The following NMU variants were observed in gnomAD, a reference collection of about 807,000 sequenced individuals.
NMU encodes neuromedin U.
A neutral mutation model predicts 35.4 loss-of-function variants in NMU; 29 were observed. The ratio of observed to expected loss-of-function variants is 0.82; its 90% CI spans 0.61 to 1.12. The LOEUF is 1.12. Ranked by LOEUF, NMU falls within the 50% of genes most tolerant of loss-of-function variation. The pLI, the probability that NMU is intolerant of heterozygous loss-of-function variation, is 0.00. For missense variants in NMU, 199 were observed against 206.2 expected, an observed-to-expected ratio of 0.97 and a Z score of 0.21; for synonymous variants, 78 against 81.3, an observed-to-expected ratio of 0.96 and a Z score of 0.22.
chr4:55,615,405 C>T (rs111977877), intron 3 of NMU, among the ~76,000 whole-genome samples: 56 of 152,290 alleles, frequency 3.7e-4, no homozygotes, highest in African/African-American at 1.3e-3. Flanking sequence ...AGCTCAGAGT[C>T]ACTGTCTGGG....
intron 7 of NMU, among the ~76,000 whole-genome samples, chr4:55,604,719 G>A: frequency 2.3e-5 from 1 of 43,150 alleles, no homozygotes; most frequent in African/African-American, 1.3e-4. Flanking sequence ...TTTTAGTAGG[G>A]ACGGGGTTTC....
intron 9 of NMU, among the ~76,000 whole-genome samples, chr4:55,598,722 T>C (rs1733304384): frequency 6.6e-6 from 1 of 152,234 alleles, no homozygotes; most frequent in South Asian, 2.1e-4. Context: ...ATCAGTTATT[T>C]AGATGACAGA....
rs1049846711 is a variant in NMU, at chr4:55,595,359, G to A, written c.*57C>T. ...GATTTTTTTCAGAAGAAAACAAAATGTCAGTACATTTTGTATTCCATAGCA... is the reference window on the plus strand; with the variant it reads ...GATTTTTTTCAGAAGAAAACAAAATATCAGTACATTTTGTATTCCATAGCA... On this transcript the variant is annotated 3_prime_UTR_variant, in exon 10 of 10. Transcript: ENST00000264218. 5.3e-5 allele frequency: 8 copies of A among 152,296 alleles called. No individual in the cohort carries two copies. Among genetic ancestry groups the A allele is most frequent in the African/African-American group, 1.7e-4 (7 of 41,420 alleles). 9.4% of individuals were successfully genotyped at this position (152,296 alleles called of 1,614,324 possible).
intron 3 of NMU, among the ~76,000 whole-genome samples, chr4:55,610,428 A>G (rs1577946118): frequency 6.6e-6 from 1 of 151,044 alleles, no homozygotes; most frequent in South Asian, 2.1e-4. Context: ...TCGACACTGC[A>G]CTCCAGCCTG....
At chr4:55,607,892 C>T (rs548687049) in intron 4 of NMU, among the ~76,000 whole-genome samples, 19 of 152,236 alleles carry the variant, frequency 1.2e-4, no homozygotes, top group South Asian at 2.1e-4. Flanking sequence ...AATTTTTAGC[C>T]GGGCGCGGTG....
intron 1 of NMU, among the ~76,000 whole-genome samples, chr4:55,633,341 A>G (rs1406379477): frequency 4.0e-5 from 6 of 151,882 alleles, no homozygotes; most frequent in Admixed American, 3.9e-4. Flanking sequence ...AAAAGAAAAA[A>G]AAAAAAAAGA....
intron 3 of NMU, among the ~76,000 whole-genome samples, chr4:55,613,047 A>G (rs1733997680): frequency 1.3e-5 from 2 of 152,236 alleles, no homozygotes; most frequent in Admixed American, 6.5e-5. Flanking sequence ...GCGAAATAAC[A>G]TAGGAACAGA....
Position 55,616,212 on chromosome 4 carries a change from A to G in NMU, c.219+126T>C, listed in dbSNP as rs1199507874. The G allele has an allele frequency of 1.2e-5, 9 of 735,232 alleles. No individual in the cohort carries two copies. In the African/African-American group the frequency reaches 1.4e-4, roughly 11 times the overall value. The allele number at this position is 735,232 out of a possible 1,614,324, so 45.5% of individuals were successfully genotyped here. A position where few individuals can be genotyped will look rare whatever the true frequency, so the allele number is the denominator to read the frequency against. ...ACAGTATTGATTATTATCTACAGCA[A>G]ATGTAATAATATCTCACACGTTGAC... is the stretch of plus-strand genomic sequence containing the variant. On this transcript the variant is annotated intron_variant, in intron 3 of 9. Coordinates refer to ENST00000264218, the MANE Select transcript of NMU (RefSeq NM_006681.4).
intron 2 of NMU, among the ~76,000 whole-genome samples, chr4:55,626,239 C>T (rs1216278098): frequency 1.3e-5 from 2 of 152,242 alleles, no homozygotes; most frequent in Admixed American, 1.3e-4. Context: ...TACTAATGAA[C>T]ATCTTTATAT....
chr4:55,614,553 A>C (rs1324728611), intron 3 of NMU, among the ~76,000 whole-genome samples: 1 of 152,214 alleles, frequency 6.6e-6, no homozygotes, highest in East Asian at 1.9e-4. Context: ...ATTAGGTTTT[A>C]ATGCATAGCT....
chr4:55,604,402 C>T lies in NMU; in HGVS notation c.435+873G>A, dbSNP rs183762005. ...TGACTGTAAAATCTCCACAGTGTAA[C>T]ACAGTAAGAATGTGTTAATGGGGTT... is the stretch of plus-strand genomic sequence containing the variant. On this transcript the variant is annotated intron_variant, in intron 7 of 9. Transcript: ENST00000264218. 2.7e-3 allele frequency among the ~76,000 whole-genome samples: 410 copies of T among 152,000 alleles called. 4 individuals carry two copies. Among genetic ancestry groups the T allele is most frequent in the African/African-American group, 9.6e-3 (396 of 41,438 alleles).
At chr4:55,597,228 C>T (rs1733221003) in intron 9 of NMU, among the ~76,000 whole-genome samples, 1 of 151,856 alleles carries the variant, frequency 6.6e-6, no homozygotes, top group South Asian at 2.1e-4. Flanking sequence ...ATTATGCTGG[C>T]TTCATAAAAA....
At chr4:55,607,184 T>C in intron 6 of NMU, 114 bp downstream of exon 6, 4 of 717,052 alleles carry the variant, frequency 5.6e-6, no homozygotes, top group Non-Finnish European at 9.9e-6. Context: ...TACTCACATA[T>C]AAACTTTTAA....
rs1040222790 is a variant in NMU at position 55,636,023 on chromosome 4, G to A, written c.112+58C>T. On this transcript the variant is annotated intron_variant, in intron 1 of 9. Coordinates refer to ENST00000264218, the MANE Select transcript of NMU (RefSeq NM_006681.4). The surrounding 1 kb of genome is among the most constrained non-coding windows in gnomAD (Gnocchi z 4.0). The stretch of plus-strand genomic sequence containing the variant: ...GAAAGAGGGTGGAGGAGAGCGGTGA[G>A]TGGAGCCAGAGAGAGGCGCGCATGG... The A allele has an allele frequency of 1.8e-5, 27 of 1,532,764 alleles. No individual in the cohort carries two copies. In the East Asian group the frequency reaches 5.9e-4, roughly 33 times the overall value. 94.9% of individuals were successfully genotyped at this position (1,532,764 alleles called of 1,614,324 possible).
chr4:55,599,333 G>T, intron 8 of NMU, 152 bp from the exon 9 acceptor site: 1 of 643,440 alleles, frequency 1.6e-6, no homozygotes, highest in South Asian at 1.9e-5. Flanking sequence ...CCCATAGCCA[G>T]AATTTCTGAT....
intron 4 of NMU, among the ~76,000 whole-genome samples, chr4:55,608,645 G>A (rs1733801962): frequency 6.6e-6 from 1 of 151,684 alleles, no homozygotes; most frequent in Non-Finnish European, 1.5e-5. Flanking sequence ...AGGACAAAAA[G>A]TTCTCCCAGA....
At chr4:55,596,287 T>A (rs939355160) in intron 9 of NMU, among the ~76,000 whole-genome samples, 1 of 150,320 alleles carries the variant, frequency 6.7e-6, no homozygotes, top group African/African-American at 2.4e-5. Context: ...TAAAATGAAA[T>A]CACGAGTACA....
chr4:55,595,643 A>ATATATATTTT (rs1258986050), intron 9 of NMU, among the ~76,000 whole-genome samples: 23 of 66,372 alleles, frequency 3.5e-4, no homozygotes, highest in Non-Finnish European at 5.9e-4. Flanking sequence ...ATATATATAT[A>ATATATATTTT]TTTTTTTTTT....
chr4:55,600,706 G>A lies in NMU; in HGVS notation c.436-131C>T, dbSNP rs563955372. On this transcript the variant is annotated intron_variant, in intron 7 of 9. Transcript: ENST00000264218. ...TAAACATAGAGGGAATCAGGGACTT[G>A]AATAGAGAATTTTTGTATCATACCT... The A allele has an allele frequency of 4.1e-4, 273 of 667,184 alleles. 1 individual carries two copies. In the African/African-American group the frequency reaches 4.4e-3, roughly 11 times the overall value. 41.3% of individuals were successfully genotyped at this position (667,184 alleles called of 1,614,324 possible). A position where few individuals can be genotyped will look rare whatever the true frequency, so the allele number is the denominator to read the frequency against.
Sources: gnomAD v4.1 joint callset for allele counts (sites outside exome capture counted in the v4.1 genomes callset) on GRCh38, gnomAD v4.1.1 for gene constraint, Gnocchi (gnomAD v3.1) non-coding constraint, MANE v1.5 for transcripts, NCBI Gene and HGNC (gene_info 2026-07-23, HGNC 2026-07-21) for gene names.